The following KCNB2 variants were observed in gnomAD, a reference collection of about 807,000 sequenced individuals.
The protein encoded by KCNB2 is potassium voltage-gated channel subfamily B member 2.
Under a neutral mutation model 61.5 loss-of-function variants are expected in KCNB2, and 15 were observed. That is an observed-to-expected ratio of 0.24 (90% CI 0.16 to 0.38). The LOEUF (loss-of-function observed/expected upper bound fraction) is 0.38. Ranked by LOEUF, KCNB2 falls within the 10% of genes least tolerant of loss-of-function variation. The pLI is 1.00. For missense variants in KCNB2, 828 were observed against 1,125.2 expected, an observed-to-expected ratio of 0.74 and a Z score of 3.78; for synonymous variants, 457 against 446.0, an observed-to-expected ratio of 1.02 and a Z score of -0.31.
At chr8:72,577,219 C>T (rs927779809) in intron 2 of KCNB2, among the ~76,000 whole-genome samples, 4 of 152,066 alleles carry the variant, frequency 2.6e-5, no homozygotes, top group Non-Finnish European at 4.4e-5. Flanking sequence ...TCTGTGTCTA[C>T]GGTGGCTGAA....
chr8:72,924,997 C>T (rs938065283), intron 2 of KCNB2, among the ~76,000 whole-genome samples: 1 of 152,176 alleles, frequency 6.6e-6, no homozygotes, highest in African/African-American at 2.4e-5. Context: ...CATGGCCGTC[C>T]ATATATTCTA....
intron 2 of KCNB2, among the ~76,000 whole-genome samples, chr8:72,578,638 C>T (rs1365762890): frequency 6.6e-6 from 1 of 152,132 alleles, no homozygotes; most frequent in Admixed American, 6.5e-5. Context: ...GCTAGTCACA[C>T]ACACCTTTTA....
intron 2 of KCNB2, among the ~76,000 whole-genome samples, chr8:72,885,193 C>T (rs938382941): frequency 6.6e-6 from 1 of 151,990 alleles, no homozygotes; most frequent in Non-Finnish European, 1.5e-5. Flanking sequence ...ACTAAATATT[C>T]CTAGGTCATA....
intron 2 of KCNB2, among the ~76,000 whole-genome samples, chr8:72,679,774 T>A (rs1258212413): frequency 6.6e-6 from 1 of 152,212 alleles, no homozygotes; most frequent in Admixed American, 6.5e-5. Context: ...GATCTGGGGC[T>A]CACTGCACAA....
At chr8:72,790,770 G>A (rs1294409593) in intron 2 of KCNB2, among the ~76,000 whole-genome samples, 1 of 152,078 alleles carries the variant, frequency 6.6e-6, no homozygotes, top group Non-Finnish European at 1.5e-5. Context: ...AATAAAATGT[G>A]CTTGTATGTG....
intron 2 of KCNB2, among the ~76,000 whole-genome samples, chr8:72,617,949 G>A (rs557057992): frequency 1.3e-5 from 2 of 152,254 alleles, no homozygotes; most frequent in East Asian, 3.9e-4. Flanking sequence ...ACTATGTGGT[G>A]GAACGACTTC....
intron 2 of KCNB2, among the ~76,000 whole-genome samples, chr8:72,875,442 C>T (rs1328991477): frequency 6.6e-6 from 1 of 152,048 alleles, no homozygotes; most frequent in African/African-American, 2.4e-5. Context: ...CATATTCAAC[C>T]TTTAGAAGCC....
chr8:72,853,392 A>C (rs1810153766), intron 2 of KCNB2, among the ~76,000 whole-genome samples: 1 of 152,074 alleles, frequency 6.6e-6, no homozygotes, highest in African/African-American at 2.4e-5. Context: ...GCTCAATCTG[A>C]CCTCCAGCTG....
At chr8:72,845,839 CG>C (rs1809981665) in intron 2 of KCNB2, among the ~76,000 whole-genome samples, 1 of 152,184 alleles carries the variant, frequency 6.6e-6, no homozygotes, top group South Asian at 2.1e-4. Context: ...GTGCTGGCAG[CG>C]ACAATCTCAA....
intron 2 of KCNB2, among the ~76,000 whole-genome samples, chr8:72,788,340 G>A (rs1048279172): frequency 6.6e-6 from 1 of 152,064 alleles, no homozygotes; most frequent in African/African-American, 2.4e-5. Flanking sequence ...GTTTGCAGAT[G>A]ATGTCTTCTC....
In KCNB2 at chr8:72,603,541, C is replaced by T. The variant is rs938535989; in HGVS notation, c.579+35228C>T. Among the ~76,000 whole-genome samples, 4 of 152,154 alleles carry T rather than the reference C, an allele frequency of 2.6e-5. No individual in the cohort carries two copies. In the East Asian group the frequency reaches 7.7e-4, roughly 29 times the overall value. On this transcript the variant is annotated intron_variant, in intron 2 of 2. Transcript: ENST00000523207. Reference sequence around the variant, plus strand: ...TTACACTGTCAGTACAGGAGCAGATCACTCTTTTGCTGATACTCATTTCTT... The same window carrying T: ...TTACACTGTCAGTACAGGAGCAGATTACTCTTTTGCTGATACTCATTTCTT...
At chr8:72,714,766 A>G (rs544273373) in intron 2 of KCNB2, among the ~76,000 whole-genome samples, 1 of 152,202 alleles carries the variant, frequency 6.6e-6, no homozygotes, top group African/African-American at 2.4e-5. Flanking sequence ...CAAGCAAAAT[A>G]ACCAGCTAAC....
intron 2 of KCNB2, among the ~76,000 whole-genome samples, chr8:72,582,252 A>AG (rs1276464350): frequency 3.9e-5 from 6 of 152,234 alleles, no homozygotes; most frequent in African/African-American, 1.4e-4. Flanking sequence ...CATGTGCCCT[A>AG]CTTGCACTGC....
At position 72,824,468 on chromosome 8, in the gene KCNB2, G is replaced by A. The variant is rs548100183; in HGVS notation, c.580-111467G>A. Among the ~76,000 whole-genome samples the A allele has an allele frequency of 1.5e-4, 23 of 152,064 alleles. No individual in the cohort carries two copies. The South Asian group carries it at 4.6e-3, about 30-fold the overall frequency. Reference sequence around the variant, plus strand: ...GCTTCCCTCACCTCCCAGGCATCTCGAGGTGTGCCACCAGACCGCTGCTGC... The same window carrying A: ...GCTTCCCTCACCTCCCAGGCATCTCAAGGTGTGCCACCAGACCGCTGCTGC... On this transcript the variant is annotated intron_variant, in intron 2 of 2. Transcript: ENST00000523207.
chr8:72,798,915 C>T (rs1051142447), intron 2 of KCNB2, among the ~76,000 whole-genome samples: 2 of 152,142 alleles, frequency 1.3e-5, no homozygotes, highest in South Asian at 2.1e-4. Context: ...GAGAATCTCT[C>T]GCTATCTTTT....
intron 2 of KCNB2, among the ~76,000 whole-genome samples, chr8:72,651,184 T>C (rs1806205901): frequency 6.6e-6 from 1 of 152,082 alleles, no homozygotes; most frequent in Non-Finnish European, 1.5e-5. Flanking sequence ...ATGTTTAGAG[T>C]GTGTGCATGA....
At chr8:72,734,989 C>T (rs1807815950) in intron 2 of KCNB2, among the ~76,000 whole-genome samples, 1 of 152,140 alleles carries the variant, frequency 6.6e-6, no homozygotes, top group Admixed American at 6.6e-5. Context: ...TGATAGGTGG[C>T]TTCCACTCAA....
intron 2 of KCNB2, among the ~76,000 whole-genome samples, chr8:72,933,664 C>A (rs915276683): frequency 2.0e-5 from 3 of 152,176 alleles, no homozygotes; most frequent in Admixed American, 1.3e-4. Context: ...ATTTTCCTGG[C>A]AGAATATTGT....
At chr8:72,666,984 A>AGTGTGT (rs142689703) in intron 2 of KCNB2, among the ~76,000 whole-genome samples, 130 of 148,702 alleles carry the variant, frequency 8.7e-4, no homozygotes, top group African/African-American at 2.9e-3. Context: ...TTTCCACATA[A>AGTGTGT]GTGTGTGTGT....
Sources: allele counts gnomAD v4.1 joint callset (sites outside exome capture counted in the v4.1 genomes callset), GRCh38; gene constraint gnomAD v4.1.1; transcripts MANE v1.5; gene names NCBI Gene and HGNC (gene_info 2026-07-23, HGNC 2026-07-21).